The following DENND5B variants were observed in gnomAD, a reference collection of about 807,000 sequenced individuals.
The protein encoded by DENND5B is DENN domain containing 5B, also known as DENN domain-containing protein 5B.
A neutral mutation model predicts 140.6 loss-of-function variants in DENND5B; 34 were observed. The ratio of observed to expected loss-of-function variants is 0.24; its 90% CI spans 0.18 to 0.32. DENND5B has a LOEUF of 0.32. DENND5B is among the 10% of genes least tolerant of loss of function. The pLI is 1.00. For missense variants in DENND5B, 1,142 were observed against 1,560.2 expected (o/e 0.73, Z 4.52); for synonymous variants, 551 against 562.1 (o/e 0.98, Z 0.28).
intron 3 of DENND5B, among the ~76,000 whole-genome samples, chr12:31,463,928 A>C (rs1591839457): frequency 1.3e-5 from 2 of 152,182 alleles, no homozygotes; most frequent in African/African-American, 4.8e-5. Context: ...TTTGCCTCCC[A>C]AAGTGCTAAG....
intron 5 of DENND5B, chr12:31,451,731 T>C: frequency 1.8e-6 from 1 of 569,118 alleles, no homozygotes; most frequent in Non-Finnish European, 3.0e-6. Flanking sequence ...GTTTATTTGC[T>C]TGTAAAATTA....
intron 13 of DENND5B, among the ~76,000 whole-genome samples, chr12:31,412,792 C>G (rs1439384016): frequency 6.6e-6 from 1 of 152,102 alleles, no homozygotes; most frequent in Admixed American, 6.6e-5. Context: ...CTGTATACAA[C>G]CTGTATACAG....
chr12:31,431,179 T>C (rs959804500), intron 8 of DENND5B, among the ~76,000 whole-genome samples: 3 of 152,232 alleles, frequency 2.0e-5, no homozygotes, highest in East Asian at 1.9e-4. Flanking sequence ...GAACTACCTA[T>C]GAAAATATAT....
At chr12:31,553,852 T>A (rs918726162) in intron 1 of DENND5B, among the ~76,000 whole-genome samples, 2 of 152,246 alleles carry the variant, frequency 1.3e-5, no homozygotes, top group African/African-American at 4.8e-5. Context: ...TTTGTTGGTT[T>A]AAAGTTTGTT....
At chr12:31,394,891 C>T (rs1308935365) in intron 17 of DENND5B, among the ~76,000 whole-genome samples, 2 of 152,096 alleles carry the variant, frequency 1.3e-5, no homozygotes, top group East Asian at 1.9e-4. Context: ...GTATTACAGG[C>T]GTGAGCCACC....
intron 7 of DENND5B, among the ~76,000 whole-genome samples, chr12:31,440,130 T>C (rs1394848353): frequency 5.9e-5 from 9 of 152,116 alleles, no homozygotes; most frequent in Non-Finnish European, 2.9e-5. Flanking sequence ...CTAGTACCAT[T>C]ATCTGGAAAG....
At chr12:31,469,581 G>T (rs559048676) in intron 3 of DENND5B, among the ~76,000 whole-genome samples, 1 of 152,162 alleles carries the variant, frequency 6.6e-6, no homozygotes, top group African/African-American at 2.4e-5. Flanking sequence ...AACTTGAGGG[G>T]TTGGGGGATG....
chr12:31,438,620 A>G (rs577492070), intron 7 of DENND5B, among the ~76,000 whole-genome samples: 1 of 152,344 alleles, frequency 6.6e-6, no homozygotes, highest in East Asian at 1.9e-4. Context: ...TAAGATTCTG[A>G]AACAGAATAT....
chr12:31,590,480 C>A, intron 1 of DENND5B: 1 of 467,712 alleles, frequency 2.1e-6, no homozygotes, highest in Non-Finnish European at 3.5e-6. Flanking sequence ...ATTAATAACC[C>A]AGCGCCTGGA....
chr12:31,388,250 A>G (rs1477128115), intron 20 of DENND5B, among the ~76,000 whole-genome samples: 1 of 122,808 alleles, frequency 8.1e-6, no homozygotes, highest in African/African-American at 3.1e-5. Context: ...TTTTTTTTTA[A>G]CTTATATAAC....
At chr12:31,535,407 G>GACACAC (rs200701091) in intron 1 of DENND5B, among the ~76,000 whole-genome samples, 1 of 151,696 alleles carries the variant, frequency 6.6e-6, no homozygotes, top group African/African-American at 2.4e-5. Flanking sequence ...GAGAGAGAGA[G>GACACAC]AGACACACAC....
intron 1 of DENND5B, among the ~76,000 whole-genome samples, chr12:31,555,445 G>A (rs2139284444): frequency 6.6e-6 from 1 of 152,316 alleles, no homozygotes; most frequent in Non-Finnish European, 1.5e-5. Flanking sequence ...CTGGCCGTGT[G>A]AGGTGTCAGT....
At chr12:31,392,504 T>C in intron 18 of DENND5B, 110 bp downstream of exon 18, 1 of 1,542,760 alleles carries the variant, frequency 6.5e-7, no homozygotes, top group African/African-American at 1.4e-5. Context: ...TTTTTACAGC[T>C]ACCAGAAAGC....
intron 1 of DENND5B, among the ~76,000 whole-genome samples, chr12:31,505,062 A>G (rs1488937910): frequency 6.6e-6 from 1 of 152,146 alleles, no homozygotes; most frequent in Non-Finnish European, 1.5e-5. Context: ...GGTTGTTATT[A>G]CAGCAGTTAG....
At chr12:31,399,824 T>A in intron 15 of DENND5B, 52 bp from the exon 16 acceptor site, 5 of 1,413,190 alleles carry the variant, frequency 3.5e-6, no homozygotes, top group Middle Eastern at 3.6e-4. Flanking sequence ...TCCTGTTACA[T>A]CTCAGCTTTA....
At chr12:31,437,188 G>C (rs920255448) in intron 7 of DENND5B, among the ~76,000 whole-genome samples, 9 of 150,704 alleles carry the variant, frequency 6.0e-5, no homozygotes, top group Non-Finnish European at 1.0e-4. Flanking sequence ...TGTCGTCCAG[G>C]CTGGAATGCA....
At chr12:31,392,480 C>T in intron 18 of DENND5B, 87 bp from the exon 19 acceptor site, 1 of 1,570,586 alleles carries the variant, frequency 6.4e-7, no homozygotes, top group South Asian at 1.2e-5. Flanking sequence ...CTGAAGGTAG[C>T]TATATGAAGC....
At chr12:31,521,183 T>C (rs946237815) in intron 1 of DENND5B, among the ~76,000 whole-genome samples, 56 of 151,758 alleles carry the variant, frequency 3.7e-4, no homozygotes, top group African/African-American at 1.3e-3. Context: ...CTGAATAAAA[T>C]AGGCGTCAAA....
intron 1 of DENND5B, among the ~76,000 whole-genome samples, chr12:31,520,284 G>A (rs2138995454): frequency 6.6e-6 from 1 of 152,274 alleles, no homozygotes; most frequent in South Asian, 2.1e-4. Flanking sequence ...ATCAACTATA[G>A]GGTGCTATAG....
Sources: gnomAD v4.1 joint callset for allele counts (sites outside exome capture counted in the v4.1 genomes callset) on GRCh38, gnomAD v4.1.1 for gene constraint, MANE v1.5 for transcripts, NCBI Gene and HGNC (gene_info 2026-07-23, HGNC 2026-07-21) for gene names.